Variants in TNFRSF21 observed in about 807,000 individuals in gnomAD.
TNFRSF21 encodes TNF receptor superfamily member 21, also known as tumor necrosis factor receptor superfamily member 21.
A neutral mutation model predicts 45.6 loss-of-function variants in TNFRSF21; 19 were observed. The observed-to-expected ratio is 0.42, with a 90% CI of 0.29 to 0.61. TNFRSF21 has a LOEUF of 0.61. TNFRSF21 is among the 20% of genes least tolerant of loss of function. The pLI, the probability that TNFRSF21 is intolerant of heterozygous loss-of-function variation, is 0.23. For missense variants in TNFRSF21, 737 were observed against 851.5 expected, an observed-to-expected ratio of 0.87 and a Z score of 1.67; for synonymous variants, 314 against 335.5, an observed-to-expected ratio of 0.94 and a Z score of 0.70.
chr6:47,254,044 C>G (rs1582324331), intron 3 of TNFRSF21, among the ~76,000 whole-genome samples: 2 of 152,316 alleles, frequency 1.3e-5, no homozygotes, highest in Admixed American at 6.5e-5. Context: ...AAGTGGGGAA[C>G]TTTCATGTTT....
intron 3 of TNFRSF21, among the ~76,000 whole-genome samples, chr6:47,275,216 T>TG (rs1390182712): frequency 6.6e-6 from 1 of 152,174 alleles, no homozygotes; most frequent in Non-Finnish European, 1.5e-5. Context: ...ATATGTTTAT[T>TG]GCAGCACTAT....
At chr6:47,276,896 A>C (rs1009623318) in intron 3 of TNFRSF21, among the ~76,000 whole-genome samples, 2 of 152,226 alleles carry the variant, frequency 1.3e-5, no homozygotes, top group Non-Finnish European at 2.9e-5. Context: ...TAAGCTAATA[A>C]TCATATCTGG....
rs1561949150 is a variant in TNFRSF21 at position 47,284,191 on chromosome 6, G to A, written c.990C>T (p.Gly330=). 1 of 1,614,200 alleles carries A rather than the reference G, an allele frequency of 6.2e-7. No homozygotes were observed. The highest frequency in any genetic ancestry group is 1.7e-5 in the Admixed American group (1 of 60,024). The part of the protein sequence containing the change: ...GGEKSSTPIK[G]PKRGHPRQNL... ...TCTGTCTAGGATGTCCCCTCTTGGG[G>A]CCCTTGATGGGCGTGCTGGACTTCT... The change falls in exon 3 of 6, where the codon GGC becomes GGT. Residue 330 remains glycine, a synonymous_variant. Coordinates refer to ENST00000296861, the MANE Select transcript of TNFRSF21 (RefSeq NM_014452.5).
Position 47,253,395 on chromosome 6 carries a change from T to C in TNFRSF21, c.1370A>G (p.Glu457Gly), listed in dbSNP as rs1396525504. Reference sequence around the variant, plus strand: ...GTGCTGCAGAGCTGCGTAGGCCCGCTCGTGGTCGGCTGTGTACCCATTGGA... The same window carrying C: ...GTGCTGCAGAGCTGCGTAGGCCCGCCCGTGGTCGGCTGTGTACCCATTGGA... Reference protein sequence around the residue: ...AFSNGYTADHERAYAALQHWT... With the variant: ...AFSNGYTADHGRAYAALQHWT... The change falls in exon 4 of 6, where the codon GAG becomes GGG. Residue 457 changes from glutamate (E) to glycine (G), a missense_variant. Transcript: ENST00000296861. The C allele has an allele frequency of 6.2e-7, 1 of 1,614,188 alleles. No individual in the cohort carries two copies. Among genetic ancestry groups the C allele is most frequent in the Non-Finnish European group, 8.5e-7 (1 of 1,180,024 alleles).
chr6:47,276,171 C>T (rs1301688417), intron 3 of TNFRSF21, among the ~76,000 whole-genome samples: 2 of 152,150 alleles, frequency 1.3e-5, no homozygotes, highest in Non-Finnish European at 2.9e-5. Context: ...TCTATGGCTC[C>T]AGTTTGGCAA....
chr6:47,279,435 G>A (rs142931538), intron 3 of TNFRSF21, among the ~76,000 whole-genome samples: 246 of 152,284 alleles, frequency 1.6e-3, no homozygotes, highest in African/African-American at 5.7e-3. Flanking sequence ...TGAACAAAGT[G>A]GCTGTTTGCA....
At chr6:47,237,018 T>C (rs1210161646) in intron 4 of TNFRSF21, among the ~76,000 whole-genome samples, 1 of 152,198 alleles carries the variant, frequency 6.6e-6, no homozygotes, top group Admixed American at 6.5e-5. Flanking sequence ...TAGTAAAACT[T>C]AAGCACATGA....
intron 3 of TNFRSF21, among the ~76,000 whole-genome samples, chr6:47,259,154 G>C (rs749318053): frequency 6.6e-6 from 1 of 152,266 alleles, no homozygotes; most frequent in Non-Finnish European, 1.5e-5. Context: ...GACAGTAAGT[G>C]ACATGGAGAC....
intron 4 of TNFRSF21, among the ~76,000 whole-genome samples, chr6:47,239,731 C>T (rs1025505607): frequency 6.6e-6 from 1 of 152,150 alleles, no homozygotes; most frequent in Non-Finnish European, 1.5e-5. Context: ...AACCACTTCC[C>T]TCATCAGACC....
At chr6:47,243,789 ACTT>A (rs1455303456) in intron 4 of TNFRSF21, among the ~76,000 whole-genome samples, 5 of 152,140 alleles carry the variant, frequency 3.3e-5, no homozygotes, top group African/African-American at 9.7e-5. Context: ...GAGCTGACTC[ACTT>A]CTTCTGACAA....
intron 3 of TNFRSF21, among the ~76,000 whole-genome samples, chr6:47,270,226 A>G (rs951850660): frequency 3.3e-5 from 5 of 151,988 alleles, no homozygotes; most frequent in African/African-American, 4.8e-5. Context: ...ACTGGGACTC[A>G]CCTCCCAACA....
rs1238054248 is a variant in TNFRSF21 at position 47,232,642 on chromosome 6, CACACACACACACACACAA to C, written c.*105_*122del. The stretch of plus-strand genomic sequence containing the variant: ...TCTGTTAAACACACACACACACACA[CACACACACACACACACAA>C]ACACACACACACACCCCAAACAACA... On this transcript the variant is annotated 3_prime_UTR_variant, in exon 6 of 6. Coordinates refer to ENST00000296861, the MANE Select transcript of TNFRSF21 (RefSeq NM_014452.5). 48 of 767,018 alleles carry C rather than the reference CACACACACACACACACAA, an allele frequency of 6.3e-5. No homozygotes were observed. Among genetic ancestry groups the C allele is most frequent in the African/African-American group, 4.5e-4 (26 of 57,244 alleles). 47.5% of individuals were successfully genotyped at this position (767,018 alleles called of 1,614,324 possible). A position where few individuals can be genotyped will look rare whatever the true frequency, so the allele number is the denominator to read the frequency against.
chr6:47,251,361 C>A (rs1013058189), intron 4 of TNFRSF21, among the ~76,000 whole-genome samples: 1 of 151,690 alleles, frequency 6.6e-6, no homozygotes, highest in Admixed American at 6.6e-5. Context: ...AAAAAATAAA[C>A]AACAAAAAAT....
intron 3 of TNFRSF21, among the ~76,000 whole-genome samples, chr6:47,262,844 G>A (rs1026666691): frequency 6.6e-6 from 1 of 152,138 alleles, no homozygotes; most frequent in African/African-American, 2.4e-5. Context: ...TCAGGAGAGT[G>A]CAGATCACAT....
chr6:47,283,811 G>T, intron 3 of TNFRSF21, 127 bp downstream of exon 3: 3 of 1,209,964 alleles, frequency 2.5e-6, no homozygotes, highest in South Asian at 1.5e-5. Context: ...AACACGACTA[G>T]ATCAAGTAGT....
chr6:47,281,673 G>A (rs1440313901), intron 3 of TNFRSF21, among the ~76,000 whole-genome samples: 1 of 152,110 alleles, frequency 6.6e-6, no homozygotes, highest in Non-Finnish European at 1.5e-5. Context: ...GAGCCACCAC[G>A]CCTGGGCCAA....
At chr6:47,274,470 C>A (rs2113859545) in intron 3 of TNFRSF21, among the ~76,000 whole-genome samples, 1 of 152,274 alleles carries the variant, frequency 6.6e-6, no homozygotes, top group East Asian at 1.9e-4. Context: ...CTTCCTTACA[C>A]CTTATACAAA....
At chr6:47,279,008 CTCACTTTTCT>C (rs1035767669) in intron 3 of TNFRSF21, among the ~76,000 whole-genome samples, 1 of 152,134 alleles carries the variant, frequency 6.6e-6, no homozygotes, top group African/African-American at 2.4e-5. Flanking sequence ...CCTTTTTTCC[CTCACTTTTCT>C]TCACAGTCTG....
intron 3 of TNFRSF21, among the ~76,000 whole-genome samples, chr6:47,257,052 C>G (rs1764999079): frequency 6.6e-6 from 1 of 152,110 alleles, no homozygotes; most frequent in Admixed American, 6.5e-5. Flanking sequence ...GTGTTCCCAT[C>G]ATTATGAAAG....
Sources: gnomAD v4.1 joint callset for allele counts (sites outside exome capture counted in the v4.1 genomes callset) on GRCh38, gnomAD v4.1.1 for gene constraint, MANE v1.5 for transcripts, NCBI Gene and HGNC (gene_info 2026-07-23, HGNC 2026-07-21) for gene names.